SH3RF3: variants seen among roughly 807,000 people sequenced by gnomAD.
SH3RF3 encodes the protein E3 ubiquitin-protein ligase SH3RF3.
SH3RF3 carries 29 observed loss-of-function variants against 66.3 expected under a neutral mutation model. The ratio of observed to expected loss-of-function variants is 0.44; its 90% CI spans 0.33 to 0.60. The LOEUF is 0.60. Among genes scored for constraint, SH3RF3 ranks in the 20% least tolerant of loss-of-function variants. SH3RF3 has a pLI of 0.04. For missense variants in SH3RF3, 1,194 were observed against 1,190.9 expected, an observed-to-expected ratio of 1.00 and a Z score of -0.04; for synonymous variants, 583 against 532.0, an observed-to-expected ratio of 1.10 and a Z score of -1.32.
chr2:109,334,358 TA>T (rs372662372), intron 1 of SH3RF3, among the ~76,000 whole-genome samples: 40,286 of 125,968 alleles, frequency 0.32, 6,676 homozygotes, highest in African/African-American at 0.46. Flanking sequence ...TTTTTTCCTT[TA>T]AAAAAAAAAA....
At chr2:109,389,495 C>A (rs544502869) in intron 3 of SH3RF3, among the ~76,000 whole-genome samples, 5 of 152,222 alleles carry the variant, frequency 3.3e-5, no homozygotes, top group Non-Finnish European at 7.4e-5. Context: ...GGACGCATGC[C>A]AATATTTATT....
intron 1 of SH3RF3, among the ~76,000 whole-genome samples, chr2:109,161,434 C>G (rs1341606469): frequency 1.3e-5 from 2 of 152,068 alleles, no homozygotes; most frequent in African/African-American, 4.8e-5. Context: ...GTGATGCTTC[C>G]TGATGGTCTG....
At chr2:109,219,884 CA>C (rs1474881693) in intron 1 of SH3RF3, among the ~76,000 whole-genome samples, 1 of 152,150 alleles carries the variant, frequency 6.6e-6, no homozygotes, top group East Asian at 1.9e-4. Context: ...CAATCTCTAT[CA>C]AAACCCCAAT....
At position 109,314,504 on chromosome 2, in the gene SH3RF3, G is replaced by A. The variant is rs184213490; in HGVS notation, c.574-33170G>A. The stretch of plus-strand genomic sequence containing the variant: ...CGGCATGACCTTTGATGTCACCTCC[G>A]TGCAGGAATGAATTTCTCTACCATA... On this transcript the variant is annotated intron_variant, in intron 1 of 9. Coordinates refer to ENST00000309415, the MANE Select transcript of SH3RF3 (RefSeq NM_001099289.3). 4.6e-4 allele frequency among the ~76,000 whole-genome samples: 70 copies of A among 152,258 alleles called. 3 individuals are homozygous for A. The highest frequency in any genetic ancestry group is 4.5e-3 in the Admixed American group (69 of 15,298).
chr2:109,202,554 C>G (rs1386436958), intron 1 of SH3RF3, among the ~76,000 whole-genome samples: 1 of 152,220 alleles, frequency 6.6e-6, no homozygotes, highest in Admixed American at 6.5e-5. Flanking sequence ...CCTTCCCCTC[C>G]CAGCAGTCAG....
chr2:109,487,426 T>A (rs1679013396), intron 8 of SH3RF3, among the ~76,000 whole-genome samples: 1 of 152,212 alleles, frequency 6.6e-6, no homozygotes, highest in South Asian at 2.1e-4. Context: ...CCACAGCGAT[T>A]GGTAATAACT....
chr2:109,336,542 A>G (rs1189906940), intron 1 of SH3RF3, among the ~76,000 whole-genome samples: 2 of 152,338 alleles, frequency 1.3e-5, no homozygotes, highest in African/African-American at 4.8e-5. Context: ...GCTGCTCTTG[A>G]AGGAACCAGT....
In SH3RF3 at chr2:109,153,529, C is replaced by T. The variant is rs118093441; in HGVS notation, c.573+23416C>T. On this transcript the variant is annotated intron_variant, in intron 1 of 9. Coordinates refer to ENST00000309415, the MANE Select transcript of SH3RF3 (RefSeq NM_001099289.3). Reference sequence around the variant, plus strand: ...GTCAAAAGCAGAGGAAGCATGGGCTCGGCTCAGTGTGCAATGCCTTATCAC... The same window carrying T: ...GTCAAAAGCAGAGGAAGCATGGGCTTGGCTCAGTGTGCAATGCCTTATCAC... Among the ~76,000 whole-genome samples, 26 of 152,310 alleles carry T rather than the reference C, an allele frequency of 1.7e-4. No homozygotes were observed. In the East Asian group the frequency reaches 3.7e-3, roughly 21 times the overall value.
At chr2:109,410,153 C>T (rs1289018040) in intron 4 of SH3RF3, among the ~76,000 whole-genome samples, 1 of 152,186 alleles carries the variant, frequency 6.6e-6, no homozygotes, top group Non-Finnish European at 1.5e-5. Context: ...TACAACCTGG[C>T]GGTTTAGAAT....
At chr2:109,406,920 G>A (rs562551533) in intron 4 of SH3RF3, among the ~76,000 whole-genome samples, 6 of 152,308 alleles carry the variant, frequency 3.9e-5, no homozygotes, top group South Asian at 2.1e-4. Flanking sequence ...GAGGAGAACC[G>A]TCCCCAGGTG....
At position 109,303,817 on chromosome 2, in the gene SH3RF3, T is replaced by A. The variant is rs375758957; in HGVS notation, c.574-43857T>A. Among the ~76,000 whole-genome samples, 7 of 152,334 alleles carry A rather than the reference T, an allele frequency of 4.6e-5. No individual in the cohort carries two copies. The East Asian group carries it at 9.6e-4, about 21-fold the overall frequency. ...TGAGTCTGTGAAGCCATCACCACCA[T>A]CAAGACCGTGAACAAGTTCATCACC... On this transcript the variant is annotated intron_variant, in intron 1 of 9. Coordinates refer to ENST00000309415, the MANE Select transcript of SH3RF3 (RefSeq NM_001099289.3).
At chr2:109,379,639 T>C (rs1683467355) in intron 3 of SH3RF3, among the ~76,000 whole-genome samples, 1 of 152,222 alleles carries the variant, frequency 6.6e-6, no homozygotes, top group Admixed American at 6.5e-5. Flanking sequence ...TTCGTCATCC[T>C]CTGTTTTTAC....
intron 9 of SH3RF3, among the ~76,000 whole-genome samples, chr2:109,491,750 T>G (rs1000938515): frequency 2.6e-4 from 39 of 152,226 alleles, no homozygotes; most frequent in African/African-American, 8.9e-4. Context: ...TGATCCTTAC[T>G]GAGTGCCTAC....
intron 1 of SH3RF3, among the ~76,000 whole-genome samples, chr2:109,249,508 TCA>T (rs1491016790): frequency 9.1e-4 from 49 of 53,562 alleles, no homozygotes; most frequent in Middle Eastern, 8.6e-3. Context: ...TTTCTTTCTT[TCA>T]TTCTTTCTTT....
intron 8 of SH3RF3, among the ~76,000 whole-genome samples, chr2:109,464,758 A>G (rs1443311201): frequency 1.3e-5 from 2 of 152,210 alleles, no homozygotes; most frequent in Admixed American, 1.3e-4. Flanking sequence ...CTCTTCTACT[A>G]TCAATGGCCT....
intron 1 of SH3RF3, among the ~76,000 whole-genome samples, chr2:109,286,687 C>G (rs909390003): frequency 6.6e-6 from 1 of 152,212 alleles, no homozygotes; most frequent in African/African-American, 2.4e-5. Context: ...CATAGCTCAT[C>G]TGCTAGCAAA....
intron 4 of SH3RF3, among the ~76,000 whole-genome samples, chr2:109,401,738 T>G (rs1676320836): frequency 6.6e-6 from 1 of 152,192 alleles, no homozygotes; most frequent in Non-Finnish European, 1.5e-5. Context: ...CTCTCCTTCC[T>G]GCATCCTCAC....
chr2:109,356,269 C>T (rs887488938), intron 2 of SH3RF3, among the ~76,000 whole-genome samples: 2 of 152,122 alleles, frequency 1.3e-5, no homozygotes, highest in African/African-American at 2.4e-5. Flanking sequence ...TAGATCCCAC[C>T]GCCCTCCTGA....
intron 1 of SH3RF3, among the ~76,000 whole-genome samples, chr2:109,319,492 G>A (rs1032839464): frequency 1.3e-5 from 2 of 152,126 alleles, no homozygotes; most frequent in African/African-American, 2.4e-5. Context: ...CTGGGGTAGT[G>A]ACGGTGGTCA....
Sources: allele counts gnomAD v4.1 joint callset (sites outside exome capture counted in the v4.1 genomes callset), GRCh38; gene constraint gnomAD v4.1.1; transcripts MANE v1.5; gene names NCBI Gene and HGNC (gene_info 2026-07-23, HGNC 2026-07-21).